Variants in ANKRD11 observed in about 807,000 individuals in gnomAD.
The protein encoded by ANKRD11 is ankyrin repeat domain 11.
A neutral mutation model predicts 195.7 loss-of-function variants in ANKRD11; 17 were observed. The observed-to-expected ratio is 0.09, with a 90% CI of 0.06 to 0.13. ANKRD11 has a LOEUF of 0.13. Among genes scored for constraint, ANKRD11 ranks in the 10% least tolerant of loss-of-function variants. The pLI is 1.00. For synonymous variants in ANKRD11, 1,953 were observed against 1,528.1 expected, an observed-to-expected ratio of 1.28 and a Z score of -6.49; for missense variants, 3,735 against 3,566.1, an observed-to-expected ratio of 1.05 and a Z score of -1.21.
intron 2 of ANKRD11, among the ~76,000 whole-genome samples, chr16:89,398,712 C>G (rs2041569932): frequency 6.6e-6 from 1 of 152,040 alleles, no homozygotes; most frequent in Non-Finnish European, 1.5e-5. Context: ...CCACTGCACT[C>G]CAGCCTCAGT....
chr16:89,399,399 G>A (rs890445920), intron 2 of ANKRD11, among the ~76,000 whole-genome samples: 3 of 152,134 alleles, frequency 2.0e-5, no homozygotes, highest in Non-Finnish European at 2.9e-5. Flanking sequence ...AGTGAAAGCA[G>A]CCCGTCTCCA....
chr16:89,305,186 G>C lies in ANKRD11; in HGVS notation c.226+20C>G. On this transcript the variant is annotated intron_variant, in intron 4 of 12. Transcript: ENST00000301030. ...GCTGCCTGTGGAGGGCTGACTGCAG[G>C]AGGGGCCGCGGGCTGGTACCTGTGT... 1 of 1,608,866 alleles carries C rather than the reference G, an allele frequency of 6.2e-7. No individual in the cohort carries two copies. Among genetic ancestry groups the C allele is most frequent in the Non-Finnish European group, 8.5e-7 (1 of 1,179,150 alleles).
In ANKRD11 at chr16:89,270,678, G is replaced by GAATC. The variant is rs1442566105; in HGVS notation, c.7806+135_7806+138dup. 1.3e-5 allele frequency: 11 copies of GAATC among 845,442 alleles called. No homozygotes were observed. In the East Asian group the frequency reaches 2.7e-4, roughly 20 times the overall value. The allele number at this position is 845,442 out of a possible 1,614,324, so 52.4% of individuals were successfully genotyped here. On this transcript the variant is annotated intron_variant, in intron 12 of 12. Coordinates refer to ENST00000301030, the MANE Select transcript of ANKRD11 (RefSeq NM_013275.6). The stretch of plus-strand genomic sequence containing the variant: ...CCCGAAAGCATCGGCCAGATTAAGA[G>GAATC]AATCTGAAATTGTCACCGCCCATCA...
intron 2 of ANKRD11, among the ~76,000 whole-genome samples, chr16:89,407,692 C>G (rs2041963149): frequency 6.6e-6 from 1 of 151,952 alleles, no homozygotes; most frequent in South Asian, 2.1e-4. Flanking sequence ...CACATAGACA[C>G]ACACAGAATT....
chr16:89,306,344 G>A (rs1449526292), intron 3 of ANKRD11, among the ~76,000 whole-genome samples: 1 of 63,332 alleles, frequency 1.6e-5, no homozygotes, highest in Non-Finnish European at 2.8e-5. Context: ...CCGCAGACAC[G>A]CGCCACCTAC....
chr16:89,309,857 G>GC (rs1251513431), intron 3 of ANKRD11, among the ~76,000 whole-genome samples: 3 of 152,124 alleles, frequency 2.0e-5, no homozygotes, highest in Admixed American at 1.3e-4. Flanking sequence ...GCCCCACTAT[G>GC]CCCCAAGGAC....
intron 1 of ANKRD11, among the ~76,000 whole-genome samples, chr16:89,449,283 C>T (rs141978893): frequency 6.6e-6 from 1 of 151,684 alleles, no homozygotes; most frequent in African/African-American, 2.4e-5. Context: ...GAGGATCACT[C>T]GAGGTGGGGT....
At chr16:89,454,356 A>G (rs550243630) in intron 1 of ANKRD11, among the ~76,000 whole-genome samples, 1 of 152,182 alleles carries the variant, frequency 6.6e-6, no homozygotes, top group Non-Finnish European at 1.5e-5. Flanking sequence ...ACATGGGCAC[A>G]GAAGACTTCT....
chr16:89,334,155 A>C (rs2038215238), intron 2 of ANKRD11, among the ~76,000 whole-genome samples: 1 of 137,298 alleles, frequency 7.3e-6, no homozygotes. Context: ...AAAAAAAAAA[A>C]AAAAAAAAAA....
chr16:89,280,251 G>C lies in ANKRD11; in HGVS notation c.6291C>G (p.Pro2097=). The change falls in exon 9 of 13, where the codon CCC becomes CCG. Residue 2097 remains proline, a synonymous_variant. Coordinates refer to ENST00000301030, the MANE Select transcript of ANKRD11 (RefSeq NM_013275.6). The stretch of plus-strand genomic sequence containing the variant: ...TGCCGTCCAGGAAGCTATTTTCCAG[G>C]GGCCCCAGAGCCTCCACCTGAGCCA... The part of the protein sequence containing the change: ...AAVAQVEALG[P]LENSFLDGSR... The C allele has an allele frequency of 6.2e-7, 1 of 1,608,608 alleles. No individual in the cohort carries two copies. Among genetic ancestry groups the C allele is most frequent in the Middle Eastern group, 1.7e-4 (1 of 6,004 alleles).
At chr16:89,333,929 G>C (rs1163912538) in intron 2 of ANKRD11, among the ~76,000 whole-genome samples, 2 of 152,062 alleles carry the variant, frequency 1.3e-5, no homozygotes, top group Admixed American at 1.3e-4. Flanking sequence ...CTCACCACTG[G>C]AAGCAGTCAG....
At position 89,280,750 on chromosome 16, in the gene ANKRD11, AGGTAGCTGGGCTCCG is replaced by A. The variant is rs760463786; in HGVS notation, c.5777_5791del (p.Pro1926_Tyr1930del). Reference sequence around the variant, plus strand: ...GAAGGGACCCTCGTCCAGCGGCTCCAGGTAGCTGGGCTCCGGGGGGATGATGGCGGCCGTCGCCTG... The same window carrying A: ...GAAGGGACCCTCGTCCAGCGGCTCCAGGGGGATGATGGCGGCCGTCGCCTG... On this transcript the variant is annotated inframe_deletion, in exon 9 of 13. Transcript: ENST00000301030. The A allele has an allele frequency of 8.1e-6, 13 of 1,613,314 alleles. No individual in the cohort carries two copies. The highest frequency in any genetic ancestry group is 2.5e-6 in the Non-Finnish European group (3 of 1,179,768).
intron 4 of ANKRD11, among the ~76,000 whole-genome samples, chr16:89,302,019 A>G (rs537406561): frequency 6.6e-6 from 1 of 152,308 alleles, no homozygotes; most frequent in African/African-American, 2.4e-5. Context: ...ACCCCTCCAG[A>G]GAGGCCTGAC....
At chr16:89,411,616 G>A (rs1029472884) in intron 2 of ANKRD11, among the ~76,000 whole-genome samples, 8 of 152,022 alleles carry the variant, frequency 5.3e-5, no homozygotes, top group African/African-American at 1.9e-4. Flanking sequence ...GTCTTGCCAC[G>A]TTGCCCAGGC....
chr16:89,312,816 C>T (rs183731070), intron 3 of ANKRD11, among the ~76,000 whole-genome samples: 34 of 152,314 alleles, frequency 2.2e-4, no homozygotes, highest in South Asian at 1.2e-3. Flanking sequence ...TGGGACACGC[C>T]GAGGCCCAGC....
chr16:89,283,879 C>A lies in ANKRD11; in HGVS notation c.2663G>T (p.Arg888Met). Residue 888 changes from arginine to methionine, a missense_variant, in exon 9 of 13, where the codon AGG (arginine) becomes ATG (methionine). Physicochemically the swap from Arg to Met is moderately conservative, Grantham distance 91. Transcript: ENST00000301030. This position sits in a 1 kb window ranked among gnomAD's most constrained non-coding sequence, Gnocchi z 4.3. ...CTCCCGGGCCCGGCTGTCCCGCCTC[C>A]TCTCCTTGCTGTCCTCCTTCACCGT... ...LETVKEDSKE[R>M]RRDSRAREKR... 6.2e-7 allele frequency: 1 copy of A among 1,614,194 alleles called. No homozygotes were observed. Among genetic ancestry groups the A allele is most frequent in the Non-Finnish European group, 8.5e-7 (1 of 1,180,054 alleles).
chr16:89,445,615 A>C (rs560432841), intron 1 of ANKRD11, among the ~76,000 whole-genome samples: 2 of 152,284 alleles, frequency 1.3e-5, no homozygotes, highest in Admixed American at 1.3e-4. Flanking sequence ...CTGACACCTG[A>C]ATTCTTACTC....
intron 9 of ANKRD11, among the ~76,000 whole-genome samples, chr16:89,277,161 CA>C (rs1283247344): frequency 1.3e-5 from 2 of 152,260 alleles, no homozygotes; most frequent in Non-Finnish European, 2.9e-5. Flanking sequence ...CCCAGCCCCC[CA>C]GTGAGGGTTC....
chr16:89,413,496 G>A (rs1433135217), intron 2 of ANKRD11, among the ~76,000 whole-genome samples: 1 of 152,122 alleles, frequency 6.6e-6, no homozygotes, highest in East Asian at 1.9e-4. Flanking sequence ...GTGGTGGCGG[G>A]CACCTATAGT....
Sources: gnomAD v4.1 joint callset for allele counts (sites outside exome capture counted in the v4.1 genomes callset) on GRCh38, gnomAD v4.1.1 for gene constraint, Gnocchi (gnomAD v3.1) non-coding constraint, MANE v1.5 for transcripts, NCBI Gene and HGNC (gene_info 2026-07-23, HGNC 2026-07-21) for gene names.